Variants in CLCN3 observed in about 807,000 individuals in gnomAD.
The protein encoded by CLCN3 is H(+)/Cl(-) exchange transporter 3.
CLCN3 carries 16 observed loss-of-function variants against 83.4 expected under a neutral mutation model. The ratio of observed to expected loss-of-function variants is 0.19; its 90% CI spans 0.13 to 0.29. The LOEUF is 0.29. Among genes scored for constraint, CLCN3 ranks in the 10% least tolerant of loss-of-function variants. CLCN3 has a pLI of 1.00. For synonymous variants in CLCN3, 322 were observed against 346.2 expected (o/e 0.93, Z 0.78); for missense variants, 544 against 1,006.0 (o/e 0.54, Z 6.21).
At chr4:169,692,573 C>T (rs181168533) in intron 7 of CLCN3, among the ~76,000 whole-genome samples, 23 of 152,218 alleles carry the variant, frequency 1.5e-4, no homozygotes, top group Non-Finnish European at 2.4e-4. Context: ...CTGCATTTCA[C>T]GAAGATCTTC....
At chr4:169,672,377 TGA>T (rs1175381969) in intron 2 of CLCN3, among the ~76,000 whole-genome samples, 1 of 152,090 alleles carries the variant, frequency 6.6e-6, no homozygotes, top group Non-Finnish European at 1.5e-5. Context: ...TGGTCTCAAG[TGA>T]GCTGCCTGCC....
Position 169,690,137 on chromosome 4 carries a change from C to CTTT in CLCN3, c.607-376_607-374dup, listed in dbSNP as rs397769904. 1.1e-3 allele frequency among the ~76,000 whole-genome samples: 123 copies of CTTT among 110,436 alleles called. 2 individuals are homozygous for CTTT. Among genetic ancestry groups the CTTT allele is most frequent in the African/African-American group, 2.4e-3 (66 of 27,988 alleles). The allele number at this position is 110,436 out of a possible 152,430, so 72.5% of individuals were successfully genotyped here. A position where few individuals can be genotyped will look rare whatever the true frequency, so the allele number is the denominator to read the frequency against. On this transcript the variant is annotated intron_variant, in intron 5 of 12. Transcript: ENST00000513761. ...CATTTTACTGAAGTTTCTTTTCTTT[C>CTTT]TTTTTTTTTTTTTTTTTTTGGCCGG...
At chr4:169,645,998 T>C (rs1007969530) in intron 2 of CLCN3, among the ~76,000 whole-genome samples, 5 of 152,206 alleles carry the variant, frequency 3.3e-5, no homozygotes, top group African/African-American at 7.2e-5. Flanking sequence ...TATTTTCCTA[T>C]GTACATAGTT....
At chr4:169,685,895 G>T (rs1732134392) in intron 3 of CLCN3, among the ~76,000 whole-genome samples, 1 of 152,096 alleles carries the variant, frequency 6.6e-6, no homozygotes, top group African/African-American at 2.4e-5. Context: ...ATCTGTGTTT[G>T]GTTGCTTATA....
chr4:169,625,783 C>T (rs1349757489), intron 1 of CLCN3, among the ~76,000 whole-genome samples: 1 of 152,218 alleles, frequency 6.6e-6, no homozygotes, highest in Non-Finnish European at 1.5e-5. Context: ...CTCTCTGCTT[C>T]TCAATATTGA....
intron 1 of CLCN3, among the ~76,000 whole-genome samples, chr4:169,623,272 C>G (rs1032203842): frequency 6.6e-6 from 1 of 152,150 alleles, no homozygotes. Flanking sequence ...TTGTTATAAT[C>G]TGAGTGTTAT....
At position 169,620,732 on chromosome 4, in the gene CLCN3, G is replaced by C; in HGVS notation, c.-348G>C. ...ACTCCCGAGTTAGAGCATGGATTCAGTTTTAGTCTTAAGGGGGAAGTGAGA... is the reference window on the plus strand; with the variant it reads ...ACTCCCGAGTTAGAGCATGGATTCACTTTTAGTCTTAAGGGGGAAGTGAGA... On this transcript the variant is annotated 5_prime_UTR_variant, in exon 1 of 13. Coordinates refer to ENST00000513761, the MANE Select transcript of CLCN3 (RefSeq NM_001829.4). The C allele has an allele frequency of 2.5e-6, 1 of 398,660 alleles. No homozygotes were observed. 24.7% of individuals were successfully genotyped at this position (398,660 alleles called of 1,614,324 possible). A position where few individuals can be genotyped will look rare whatever the true frequency, so the allele number is the denominator to read the frequency against.
At chr4:169,707,820 A>G (rs1171422004) in intron 11 of CLCN3, among the ~76,000 whole-genome samples, 1 of 152,216 alleles carries the variant, frequency 6.6e-6, no homozygotes, top group Admixed American at 6.5e-5. Context: ...ATAACGTATC[A>G]GTCCTGTTGT....
At chr4:169,667,228 A>G (rs530638492) in intron 2 of CLCN3, among the ~76,000 whole-genome samples, 122 of 152,306 alleles carry the variant, frequency 8.0e-4, no homozygotes, top group Non-Finnish European at 1.6e-3. Flanking sequence ...CAGTTGTCCC[A>G]GCATCATTTA....
chr4:169,689,720 A>G (rs1037602375), intron 5 of CLCN3, among the ~76,000 whole-genome samples: 2 of 152,214 alleles, frequency 1.3e-5, no homozygotes, highest in Non-Finnish European at 2.9e-5. Context: ...AGGATGTTAC[A>G]TGTATATTTT....
chr4:169,673,760 G>A (rs1469139338), intron 2 of CLCN3, among the ~76,000 whole-genome samples: 6 of 152,022 alleles, frequency 3.9e-5, no homozygotes, highest in African/African-American at 1.4e-4. Flanking sequence ...CCCAATTCCT[G>A]AAATATTAAT....
intron 4 of CLCN3, among the ~76,000 whole-genome samples, chr4:169,688,702 GTC>G (rs1359231981): frequency 6.6e-6 from 1 of 152,032 alleles, no homozygotes. Flanking sequence ...TCATTTATAA[GTC>G]TGTTAATTAA....
chr4:169,707,382 T>C, intron 11 of CLCN3, 116 bp downstream of exon 11: 3 of 674,270 alleles, frequency 4.4e-6, no homozygotes, highest in Non-Finnish European at 7.1e-6. Context: ...CATTATTTTA[T>C]GTCCCTTAAA....
intron 11 of CLCN3, among the ~76,000 whole-genome samples, chr4:169,708,329 G>T (rs1224885353): frequency 6.6e-6 from 1 of 152,058 alleles, no homozygotes; most frequent in Non-Finnish European, 1.5e-5. Context: ...GAAAGGAAAA[G>T]AAAAAAGATC....
chr4:169,696,759 T>C (rs1171089755), intron 8 of CLCN3, among the ~76,000 whole-genome samples: 1 of 151,846 alleles, frequency 6.6e-6, no homozygotes, highest in Non-Finnish European at 1.5e-5. Flanking sequence ...TGAATTTAAC[T>C]CTTTTAGTTC....
At chr4:169,647,435 C>T (rs1302333962) in intron 2 of CLCN3, among the ~76,000 whole-genome samples, 5 of 151,954 alleles carry the variant, frequency 3.3e-5, no homozygotes, top group Non-Finnish European at 5.9e-5. Context: ...TTAGTAATGA[C>T]TTGGATTGCC....
chr4:169,660,651 A>G (rs764816540), intron 2 of CLCN3, among the ~76,000 whole-genome samples: 3 of 152,190 alleles, frequency 2.0e-5, no homozygotes, highest in Non-Finnish European at 4.4e-5. Context: ...GCAGATTAGT[A>G]CTGCTTCAGA....
At chr4:169,719,054 C>T (rs543510501) in intron 12 of CLCN3, among the ~76,000 whole-genome samples, 1 of 152,300 alleles carries the variant, frequency 6.6e-6, no homozygotes, top group South Asian at 2.1e-4. Flanking sequence ...TTGGGATTGA[C>T]GTTCTGTGCT....
At chr4:169,624,422 C>A in intron 1 of CLCN3, among the ~76,000 whole-genome samples, 1 of 152,180 alleles carries the variant, frequency 6.6e-6, no homozygotes, top group Middle Eastern at 3.2e-3. Flanking sequence ...GCATGAGCCA[C>A]CGTGCCGAGC....
Sources: gnomAD v4.1 joint callset for allele counts (sites outside exome capture counted in the v4.1 genomes callset) on GRCh38, gnomAD v4.1.1 for gene constraint, MANE v1.5 for transcripts, NCBI Gene and HGNC (gene_info 2026-07-23, HGNC 2026-07-21) for gene names.